RNF220: variants seen among roughly 807,000 people sequenced by gnomAD.
RNF220 encodes ring finger protein 220, also known as E3 ubiquitin-protein ligase RNF220.
In RNF220, 7 loss-of-function variants were observed where a neutral mutation model predicts 67.1. That is an observed-to-expected ratio of 0.10 (90% CI 0.06 to 0.20). RNF220 has a LOEUF of 0.20. RNF220 is among the 10% of genes least tolerant of loss of function. The probability of loss-of-function intolerance (pLI) is 1.00; values close to 1 mark genes in which losing one functional copy is unlikely to be tolerated. For missense variants in RNF220, 565 were observed against 740.3 expected, an observed-to-expected ratio of 0.76 and a Z score of 2.75; for synonymous variants, 270 against 283.2, an observed-to-expected ratio of 0.95 and a Z score of 0.47.
intron 2 of RNF220, among the ~76,000 whole-genome samples, chr1:44,584,800 G>A (rs961327652): frequency 1.4e-4 from 22 of 152,222 alleles, no homozygotes; most frequent in African/African-American, 4.6e-4. Context: ...CCAGGTTCAA[G>A]TGATTCTCCT....
At chr1:44,488,243 C>T (rs1572655534) in intron 2 of RNF220, among the ~76,000 whole-genome samples, 1 of 150,964 alleles carries the variant, frequency 6.6e-6, no homozygotes, top group Non-Finnish European at 1.5e-5. Flanking sequence ...TCAAGTGATT[C>T]ACCTGCCTCA....
intron 2 of RNF220, among the ~76,000 whole-genome samples, chr1:44,601,966 T>A (rs1328288802): frequency 6.6e-6 from 1 of 152,016 alleles, no homozygotes; most frequent in Non-Finnish European, 1.5e-5. Flanking sequence ...CAAGATGGTG[T>A]TGAAGGTGCA....
At chr1:44,464,221 G>A (rs1654061510) in intron 2 of RNF220, among the ~76,000 whole-genome samples, 2 of 152,204 alleles carry the variant, frequency 1.3e-5, no homozygotes, top group South Asian at 4.1e-4. Context: ...CAGTTGTATA[G>A]ATCACCTGAG....
At chr1:44,542,467 A>G (rs906372759) in intron 2 of RNF220, among the ~76,000 whole-genome samples, 1 of 152,188 alleles carries the variant, frequency 6.6e-6, no homozygotes, top group African/African-American at 2.4e-5. Flanking sequence ...AATTTAGCAG[A>G]AAGTAAGAAA....
intron 2 of RNF220, among the ~76,000 whole-genome samples, chr1:44,452,747 C>T (rs1652819034): frequency 6.6e-6 from 1 of 152,126 alleles, no homozygotes; most frequent in Non-Finnish European, 1.5e-5. Context: ...GCTGGGATTA[C>T]AGGCGTGAGC....
intron 2 of RNF220, among the ~76,000 whole-genome samples, chr1:44,556,652 C>T (rs190029143): frequency 4.0e-5 from 6 of 151,838 alleles, no homozygotes; most frequent in Admixed American, 1.3e-4. Context: ...CTCCGCCTCC[C>T]GGGTTCATGC....
chr1:44,598,555 C>T (rs568020988), intron 2 of RNF220, among the ~76,000 whole-genome samples: 45 of 152,270 alleles, frequency 3.0e-4, no homozygotes, highest in African/African-American at 9.6e-4. Flanking sequence ...AGAGAGAAAG[C>T]GTGCAGCCCA....
chr1:44,566,857 A>G lies in RNF220; in HGVS notation c.626-47308A>G, dbSNP rs535659938. On this transcript the variant is annotated intron_variant, in intron 2 of 14. Transcript: ENST00000361799. ...GGTCAAGAGGTCACTATGGCCACTCAGAGATCACCACTAACATAGCTCCAT... is the reference window on the plus strand; with the variant it reads ...GGTCAAGAGGTCACTATGGCCACTCGGAGATCACCACTAACATAGCTCCAT... Among the ~76,000 whole-genome samples, 4 of 152,306 alleles carry G rather than the reference A, an allele frequency of 2.6e-5. No homozygotes were observed. The South Asian group carries it at 6.2e-4, about 24-fold the overall frequency.
Position 44,587,074 on chromosome 1 carries a change from A to T in RNF220, c.626-27091A>T, listed in dbSNP as rs140620291. Among the ~76,000 whole-genome samples, 196 of 135,184 alleles carry T rather than the reference A, an allele frequency of 1.4e-3. 2 individuals are homozygous for T. Among genetic ancestry groups the T allele is most frequent in the African/African-American group, 5.9e-3 (188 of 31,822 alleles). The allele number at this position is 135,184 out of a possible 152,430, so 88.7% of individuals were successfully genotyped here. A position where few individuals can be genotyped will look rare whatever the true frequency, so the allele number is the denominator to read the frequency against. On this transcript the variant is annotated intron_variant, in intron 2 of 14. Transcript: ENST00000361799. Reference sequence around the variant, plus strand: ...CATGGGCAAATTCCCCCTAATTCCCAGTTCCTTCTGTTTTTTTTAAAGTTG... The same window carrying T: ...CATGGGCAAATTCCCCCTAATTCCCTGTTCCTTCTGTTTTTTTTAAAGTTG...
At chr1:44,494,416 T>C (rs1303170498) in intron 2 of RNF220, among the ~76,000 whole-genome samples, 1 of 152,134 alleles carries the variant, frequency 6.6e-6, no homozygotes, top group Non-Finnish European at 1.5e-5. Flanking sequence ...ATTTGCAGCA[T>C]TGTTTGAAAC....
chr1:44,628,759 A>G (rs967481813), intron 5 of RNF220, among the ~76,000 whole-genome samples: 1 of 152,184 alleles, frequency 6.6e-6, no homozygotes, highest in African/African-American at 2.4e-5. Context: ...TATTTCTTCT[A>G]ACAGAACTGT....
At chr1:44,432,193 G>A (rs1650456790) in intron 2 of RNF220, among the ~76,000 whole-genome samples, 1 of 152,098 alleles carries the variant, frequency 6.6e-6, no homozygotes, top group Non-Finnish European at 1.5e-5. Context: ...AGTATGCATT[G>A]GGGAGGGGAA....
At chr1:44,425,346 G>A (rs1041119739) in intron 2 of RNF220, among the ~76,000 whole-genome samples, 3 of 152,122 alleles carry the variant, frequency 2.0e-5, no homozygotes, top group African/African-American at 7.2e-5. Flanking sequence ...GTCTCCCTAT[G>A]TGACTCCATC....
At chr1:44,411,738 G>A (rs1023625299) in intron 1 of RNF220, among the ~76,000 whole-genome samples, 1 of 152,078 alleles carries the variant, frequency 6.6e-6, no homozygotes, top group African/African-American at 2.4e-5. Flanking sequence ...GGGCTCAGGC[G>A]CATTTCACCC....
At chr1:44,419,559 A>G (rs570301271) in intron 2 of RNF220, 2 of 152,330 alleles carry the variant, frequency 1.3e-5, no homozygotes, top group East Asian at 3.9e-4. Flanking sequence ...CCAATCATCT[A>G]AAAGGGTTTA....
intron 5 of RNF220, among the ~76,000 whole-genome samples, chr1:44,627,942 C>T (rs1644005221): frequency 6.6e-6 from 1 of 152,254 alleles, no homozygotes; most frequent in Non-Finnish European, 1.5e-5. Context: ...CCGCCGAATG[C>T]CTTTGCATGG....
intron 8 of RNF220, chr1:44,644,108 C>T (rs1644565806): frequency 6.4e-6 from 1 of 155,152 alleles, no homozygotes; most frequent in African/African-American, 2.4e-5. Flanking sequence ...GTCCAGGAAT[C>T]TGGGCTGAGT....
At chr1:44,471,670 A>G (rs1654818420) in intron 2 of RNF220, among the ~76,000 whole-genome samples, 2 of 151,952 alleles carry the variant, frequency 1.3e-5, no homozygotes, top group South Asian at 4.2e-4. Context: ...CTAAAAATAC[A>G]AAAAATTGGC....
intron 2 of RNF220, among the ~76,000 whole-genome samples, chr1:44,497,353 A>ACG (rs1202358059): frequency 6.6e-6 from 1 of 151,350 alleles, no homozygotes; most frequent in African/African-American, 2.4e-5. Context: ...ACACACACAC[A>ACG]CACACACACA....
Sources: allele counts gnomAD v4.1 joint callset (sites outside exome capture counted in the v4.1 genomes callset), GRCh38; gene constraint gnomAD v4.1.1; transcripts MANE v1.5; gene names NCBI Gene and HGNC (gene_info 2026-07-23, HGNC 2026-07-21).